PARD3B: variants seen among roughly 807,000 people sequenced by gnomAD.
PARD3B encodes partitioning defective 3 homolog B.
PARD3B carries 103 observed loss-of-function variants against 130.2 expected under a neutral mutation model. The ratio of observed to expected loss-of-function variants is 0.79; its 90% CI spans 0.67 to 0.93. PARD3B has a LOEUF of 0.93. Among genes scored for constraint, PARD3B ranks in the 40% least tolerant of loss-of-function variants. The pLI is 0.00. For missense variants in PARD3B, 1,609 were observed against 1,499.2 expected (o/e 1.07, Z -1.21); for synonymous variants, 583 against 553.2 (o/e 1.05, Z -0.76).
At chr2:204,900,514 C>T (rs2046815188) in intron 2 of PARD3B, among the ~76,000 whole-genome samples, 1 of 152,048 alleles carries the variant, frequency 6.6e-6, no homozygotes, top group Non-Finnish European at 1.5e-5. Context: ...TTTTTGAATT[C>T]CTTCTCTGTG....
intron 1 of PARD3B, among the ~76,000 whole-genome samples, chr2:204,645,935 C>T (rs546720272): frequency 2.0e-5 from 3 of 152,182 alleles, no homozygotes; most frequent in Non-Finnish European, 2.9e-5. Context: ...ACTGCTATAA[C>T]GTGTCTCTCT....
chr2:204,597,685 T>G (rs2125101778), intron 1 of PARD3B, among the ~76,000 whole-genome samples: 1 of 152,290 alleles, frequency 6.6e-6, no homozygotes. Flanking sequence ...TTAGCATGTG[T>G]TGCTGTCCAG....
At chr2:205,394,524 T>G (rs2045960098) in intron 18 of PARD3B, among the ~76,000 whole-genome samples, 1 of 152,140 alleles carries the variant, frequency 6.6e-6, no homozygotes, top group African/African-American at 2.4e-5. Flanking sequence ...TCAAGAACTT[T>G]CATCTCCTAT....
intron 2 of PARD3B, among the ~76,000 whole-genome samples, chr2:204,747,868 G>A (rs1240127862): frequency 6.6e-6 from 1 of 152,042 alleles, no homozygotes; most frequent in Non-Finnish European, 1.5e-5. Context: ...CAAATTCAAG[G>A]TGTTAATTTT....
At chr2:204,554,811 A>G (rs2030804121) in intron 1 of PARD3B, among the ~76,000 whole-genome samples, 1 of 152,186 alleles carries the variant, frequency 6.6e-6, no homozygotes, top group Admixed American at 6.5e-5. Flanking sequence ...TCTGTGCAGA[A>G]AAAGTTAATG....
intron 3 of PARD3B, among the ~76,000 whole-genome samples, chr2:205,046,746 A>G (rs1698811607): frequency 6.6e-6 from 1 of 152,160 alleles, no homozygotes; most frequent in Non-Finnish European, 1.5e-5. Context: ...ATAAAACGCT[A>G]ATTTTTATAT....
chr2:205,052,463 AT>A (rs1699287331), intron 4 of PARD3B, among the ~76,000 whole-genome samples: 1 of 143,948 alleles, frequency 6.9e-6, no homozygotes, highest in Non-Finnish European at 1.5e-5. Context: ...AATTAAAAAA[AT>A]AAGCTGGCAG....
chr2:205,557,288 C>G (rs2052932635), intron 22 of PARD3B, among the ~76,000 whole-genome samples: 1 of 152,156 alleles, frequency 6.6e-6, no homozygotes, highest in Non-Finnish European at 1.5e-5. Context: ...TTTTTGTAGT[C>G]ATGTTGTCAA....
intron 20 of PARD3B, among the ~76,000 whole-genome samples, chr2:205,454,806 A>C (rs1336940278): frequency 6.6e-6 from 1 of 152,146 alleles, no homozygotes; most frequent in Non-Finnish European, 1.5e-5. Flanking sequence ...ACCAAGCCCC[A>C]AAAATGCCAG....
intron 2 of PARD3B, among the ~76,000 whole-genome samples, chr2:204,800,314 A>T (rs771739621): frequency 6.6e-6 from 1 of 152,176 alleles, no homozygotes; most frequent in Non-Finnish European, 1.5e-5. Flanking sequence ...TAAAGACAGG[A>T]TATTTAAAAA....
chr2:204,970,009 G>A (rs1339356457), intron 3 of PARD3B, among the ~76,000 whole-genome samples: 8 of 151,888 alleles, frequency 5.3e-5, no homozygotes, highest in South Asian at 2.1e-4. Flanking sequence ...TTTTAATAAC[G>A]TGGATATTTT....
At chr2:204,719,002 A>G (rs1443349164) in intron 2 of PARD3B, among the ~76,000 whole-genome samples, 1 of 152,242 alleles carries the variant, frequency 6.6e-6, no homozygotes, top group Non-Finnish European at 1.5e-5. Flanking sequence ...ATTTACAACC[A>G]GGAATAAAAT....
intron 3 of PARD3B, among the ~76,000 whole-genome samples, chr2:205,043,440 A>G (rs1295998261): frequency 6.6e-6 from 1 of 152,200 alleles, no homozygotes; most frequent in East Asian, 1.9e-4. Context: ...GATGAGACTG[A>G]GTCACAGAGC....
At chr2:205,220,100 G>T (rs2125869101) in intron 15 of PARD3B, among the ~76,000 whole-genome samples, 1 of 152,276 alleles carries the variant, frequency 6.6e-6, no homozygotes, top group Non-Finnish European at 1.5e-5. Flanking sequence ...GGAAGCAACT[G>T]CTTCCTGCCT....
At chr2:204,973,721 T>A (rs1559315516) in intron 3 of PARD3B, among the ~76,000 whole-genome samples, 1 of 152,238 alleles carries the variant, frequency 6.6e-6, no homozygotes, top group Non-Finnish European at 1.5e-5. Flanking sequence ...TATGCCCCAA[T>A]ATATACACAT....
At chr2:204,730,096 C>T (rs1033052673) in intron 2 of PARD3B, among the ~76,000 whole-genome samples, 10 of 151,448 alleles carry the variant, frequency 6.6e-5, no homozygotes, top group African/African-American at 2.2e-4. Flanking sequence ...TTGAGACGGA[C>T]AGAGTTTTGC....
rs955041591 is a variant in PARD3B, at chr2:205,276,203, A to C, written c.2186-24327A>C. ...ATTTGAAAGAAACAGGGGAAGTAGA[A>C]ATGTGGATGGGAAGAGCATTTAGCA... On this transcript the variant is annotated intron_variant, in intron 16 of 22. Coordinates refer to ENST00000406610, the MANE Select transcript of PARD3B (RefSeq NM_001302769.2). This position sits in a 1 kb window ranked among gnomAD's most constrained non-coding sequence, Gnocchi z 5.0. 1.3e-5 allele frequency among the ~76,000 whole-genome samples: 2 copies of C among 152,170 alleles called. No homozygotes were observed. The highest frequency in any genetic ancestry group is 2.9e-5 in the Non-Finnish European group (2 of 68,026).
In PARD3B at chr2:205,116,902, C is replaced by G. The variant is rs1024909912; in HGVS notation, c.681-2019C>G. On this transcript the variant is annotated intron_variant, in intron 6 of 22. Transcript: ENST00000406610. The surrounding 1 kb of genome is among the most constrained non-coding windows in gnomAD (Gnocchi z 4.5). ...AGATCAGTGAGGTTCACATAGCATA[C>G]TCCAGCTGTAATATGCCAGCTAAAT... is the stretch of plus-strand genomic sequence containing the variant. Among the ~76,000 whole-genome samples the G allele has an allele frequency of 5.3e-5, 8 of 152,166 alleles. No homozygotes were observed. The highest frequency in any genetic ancestry group is 8.8e-5 in the Non-Finnish European group (6 of 68,018).
chr2:204,885,544 C>T (rs2046242677), intron 2 of PARD3B, among the ~76,000 whole-genome samples: 2 of 152,124 alleles, frequency 1.3e-5, no homozygotes, highest in African/African-American at 4.8e-5. Flanking sequence ...GCTTCTTCTT[C>T]ATGAAACTCC....
Sources: allele counts gnomAD v4.1 joint callset (sites outside exome capture counted in the v4.1 genomes callset), GRCh38; gene constraint gnomAD v4.1.1; non-coding constraint Gnocchi (gnomAD v3.1); transcripts MANE v1.5; gene names NCBI Gene and HGNC (gene_info 2026-07-23, HGNC 2026-07-21).